Variants in CRACD observed in about 807,000 individuals in gnomAD.
CRACD encodes the protein capping protein-inhibiting regulator of actin dynamics.
CRACD carries 56 observed loss-of-function variants against 106.8 expected under a neutral mutation model. The observed-to-expected ratio is 0.52, with a 90% CI of 0.42 to 0.66. The LOEUF is 0.66. Among genes scored for constraint, CRACD ranks in the 30% least tolerant of loss-of-function variants. CRACD has a pLI of 0.00. For missense variants in CRACD, 1,730 were observed against 1,623.2 expected (o/e 1.07, Z -1.13); for synonymous variants, 754 against 670.8 (o/e 1.12, Z -1.92).
intron 2 of CRACD, among the ~76,000 whole-genome samples, chr4:56,182,798 CAT>C (rs1203652180): frequency 6.6e-6 from 1 of 151,328 alleles, no homozygotes; most frequent in Admixed American, 6.6e-5. Flanking sequence ...ATTTTAAAAA[CAT>C]ATGTAGAACA....
chr4:56,324,144 G>A lies in CRACD; in HGVS notation c.3419G>A (p.Arg1140Lys), dbSNP rs773456278. The A allele has an allele frequency of 6.8e-6, 11 of 1,614,012 alleles. No homozygotes were observed. Among genetic ancestry groups the A allele is most frequent in the Non-Finnish European group, 2.5e-6 (3 of 1,179,980 alleles). Residue 1140 changes from arginine to lysine, a missense_variant, in exon 10 of 11, where the codon AGA becomes AAA. Physicochemically the swap from Arg to Lys is conservative, Grantham distance 26. Coordinates refer to ENST00000682029, the MANE Select transcript of CRACD (RefSeq NM_001393381.1). The part of the protein sequence containing the change: ...SVQPGSSSVS[R>K]AGSLHKSTAL... ...CAGCCTGGAAGCAGCAGTGTCAGCA[G>A]AGCAGGTTCCCTGCACAAGTCCACT...
rs975769219 is a variant in CRACD at position 56,256,766 on chromosome 4, G to T, written c.-188-15555G>T. 5.9e-5 allele frequency among the ~76,000 whole-genome samples: 9 copies of T among 152,146 alleles called. No homozygotes were observed. The East Asian group carries it at 1.7e-3, about 29-fold the overall frequency. On this transcript the variant is annotated intron_variant, in intron 2 of 10. Transcript: ENST00000682029. ...ATCTTCTTTCTCTCAGCCCATATCT[G>T]TGGAATGTAAACCAAAAATAAAATT...
chr4:56,272,569 C>T (rs1742420584), intron 3 of CRACD, 77 bp downstream of exon 3: 1 of 152,506 alleles, frequency 6.6e-6, no homozygotes, highest in South Asian at 2.1e-4. Context: ...GAAGTAGGTG[C>T]TGTTTTTGGT....
chr4:56,113,438 A>G (rs1490672237), intron 1 of CRACD, among the ~76,000 whole-genome samples: 1 of 152,242 alleles, frequency 6.6e-6, no homozygotes, highest in Non-Finnish European at 1.5e-5. Flanking sequence ...TTAGTTGAAA[A>G]AAATGAACTT....
chr4:56,147,118 C>T (rs2109885228), intron 1 of CRACD, among the ~76,000 whole-genome samples: 1 of 152,210 alleles, frequency 6.6e-6, no homozygotes, highest in Admixed American at 6.5e-5. Context: ...TCCCAACTCC[C>T]CTTGAGTAAG....
chr4:56,292,423 T>A lies in CRACD; in HGVS notation c.-16-5791T>A, dbSNP rs565375854. Among the ~76,000 whole-genome samples the A allele has an allele frequency of 9.2e-5, 14 of 152,326 alleles. No homozygotes were observed. The South Asian group carries it at 2.7e-3, about 29-fold the overall frequency. ...ACAAAGATTTCTAACCAGCCATGAA[T>A]TAGCTCAGTCTTTGATTGGATTGAA... On this transcript the variant is annotated intron_variant, in intron 3 of 10. Transcript: ENST00000682029.
chr4:56,056,954 G>A (rs903463530), intron 1 of CRACD, among the ~76,000 whole-genome samples: 1 of 152,140 alleles, frequency 6.6e-6, no homozygotes, highest in Non-Finnish European at 1.5e-5. Flanking sequence ...GAAACATTTG[G>A]TGTGAAAAGA....
chr4:56,254,380 A>C (rs1007431112), intron 2 of CRACD, among the ~76,000 whole-genome samples: 1 of 124,376 alleles, frequency 8.0e-6, no homozygotes, highest in African/African-American at 3.1e-5. Context: ...AAATCTTTTA[A>C]AGCAGAGTTT....
intron 2 of CRACD, among the ~76,000 whole-genome samples, chr4:56,221,086 T>C (rs370672155): frequency 1.3e-5 from 2 of 152,130 alleles, no homozygotes; most frequent in East Asian, 3.9e-4. Context: ...GGCTAGATTA[T>C]GAAAGATGTT....
chr4:56,233,016 A>G (rs1739736285), intron 2 of CRACD, among the ~76,000 whole-genome samples: 2 of 152,058 alleles, frequency 1.3e-5, no homozygotes, highest in South Asian at 4.1e-4. Flanking sequence ...GGCTTAAAAC[A>G]TGCATCTTTC....
chr4:56,174,463 C>G (rs1053096413), intron 1 of CRACD, among the ~76,000 whole-genome samples: 1 of 152,192 alleles, frequency 6.6e-6, no homozygotes, highest in African/African-American at 2.4e-5. Context: ...TTCTTAGCCT[C>G]TGGTAACTAT....
At chr4:56,120,223 C>A (rs1333460286) in intron 1 of CRACD, among the ~76,000 whole-genome samples, 1 of 152,064 alleles carries the variant, frequency 6.6e-6, no homozygotes, top group East Asian at 1.9e-4. Flanking sequence ...GCTCCTGTAG[C>A]CTTTTTTATA....
At chr4:56,061,733 G>C (rs548269366) in intron 1 of CRACD, among the ~76,000 whole-genome samples, 92 of 152,282 alleles carry the variant, frequency 6.0e-4, no homozygotes, top group Middle Eastern at 3.4e-3. Flanking sequence ...AGCCAGGTGA[G>C]TGGAGTAAAA....
intron 2 of CRACD, among the ~76,000 whole-genome samples, chr4:56,190,869 C>G (rs1307195886): frequency 6.6e-6 from 1 of 152,086 alleles, no homozygotes; most frequent in Non-Finnish European, 1.5e-5. Flanking sequence ...CAGAGGTGCT[C>G]CGTGAGGGCT....
chr4:56,231,071 C>CAA (rs149632401), intron 2 of CRACD, among the ~76,000 whole-genome samples: 1 of 126,840 alleles, frequency 7.9e-6, no homozygotes, highest in Non-Finnish European at 1.6e-5. Flanking sequence ...AACAAACAAA[C>CAA]AAAAAAATTG....
chr4:56,278,908 A>G (rs1383761382), intron 3 of CRACD, among the ~76,000 whole-genome samples: 3 of 152,214 alleles, frequency 2.0e-5, no homozygotes, highest in Non-Finnish European at 2.9e-5. Context: ...ATCATTAGCC[A>G]TCAGGGAAGT....
intron 3 of CRACD, among the ~76,000 whole-genome samples, chr4:56,281,849 A>G (rs1743057579): frequency 6.6e-6 from 1 of 152,222 alleles, no homozygotes; most frequent in Non-Finnish European, 1.5e-5. Context: ...AGACCGGAGT[A>G]GATGACCCTC....
chr4:56,127,609 A>G (rs1303714593), intron 1 of CRACD, among the ~76,000 whole-genome samples: 5 of 152,202 alleles, frequency 3.3e-5, no homozygotes, highest in Non-Finnish European at 7.3e-5. Context: ...TGTTTTCGGA[A>G]GGTAATAGAT....
intron 2 of CRACD, among the ~76,000 whole-genome samples, chr4:56,219,878 G>C (rs1052941401): frequency 6.6e-6 from 1 of 152,174 alleles, no homozygotes; most frequent in Non-Finnish European, 1.5e-5. Context: ...AGTTGTAAAA[G>C]GTGTTGGGTA....
Sources: allele counts gnomAD v4.1 joint callset (sites outside exome capture counted in the v4.1 genomes callset), GRCh38; gene constraint gnomAD v4.1.1; transcripts MANE v1.5; gene names NCBI Gene and HGNC (gene_info 2026-07-23, HGNC 2026-07-21).